EHBP1: variants seen among roughly 807,000 people sequenced by gnomAD.
EHBP1 encodes the protein EH domain-binding protein 1.
EHBP1 carries 55 observed loss-of-function variants against 144.0 expected under a neutral mutation model. The ratio of observed to expected loss-of-function variants is 0.38; its 90% CI spans 0.31 to 0.48. EHBP1 has a LOEUF of 0.48. Among genes scored for constraint, EHBP1 ranks in the 20% least tolerant of loss-of-function variants. The pLI, the probability that EHBP1 is intolerant of heterozygous loss-of-function variation, is 0.98. For missense variants in EHBP1, 1,200 were observed against 1,364.2 expected, an observed-to-expected ratio of 0.88 and a Z score of 1.90; for synonymous variants, 469 against 472.7, an observed-to-expected ratio of 0.99 and a Z score of 0.10.
intron 5 of EHBP1, among the ~76,000 whole-genome samples, chr2:62,794,938 T>TA (rs2043434414): frequency 6.6e-6 from 1 of 152,006 alleles, no homozygotes; most frequent in East Asian, 1.9e-4. Context: ...CTTCTCCATA[T>TA]AAAGTGAAAT....
At chr2:62,951,576 G>C (rs1243967093) in intron 13 of EHBP1, among the ~76,000 whole-genome samples, 1 of 142,378 alleles carries the variant, frequency 7.0e-6, no homozygotes, top group South Asian at 2.3e-4. Flanking sequence ...CCAGGCTAGA[G>C]TGCAGTGGCG....
chr2:63,033,581 T>C (rs944537981), intron 19 of EHBP1, among the ~76,000 whole-genome samples: 4 of 152,208 alleles, frequency 2.6e-5, no homozygotes, highest in African/African-American at 9.6e-5. Flanking sequence ...TATAGATAGA[T>C]AATTTTATGG....
chr2:62,960,483 T>C (rs1427129037), intron 14 of EHBP1, among the ~76,000 whole-genome samples: 1 of 152,220 alleles, frequency 6.6e-6, no homozygotes, highest in Non-Finnish European at 1.5e-5. Flanking sequence ...CTTTTGCTGT[T>C]ATTCTCTACC....
intron 1 of EHBP1, among the ~76,000 whole-genome samples, chr2:62,700,117 C>A (rs1558515831): frequency 6.6e-6 from 1 of 151,954 alleles, no homozygotes; most frequent in Non-Finnish European, 1.5e-5. Flanking sequence ...TCTAATGCAG[C>A]TTTTCTAAGC....
intron 14 of EHBP1, among the ~76,000 whole-genome samples, chr2:62,975,887 TACACACACACACACACACACACACACAC>T (rs57375651): frequency 1.6e-5 from 2 of 123,670 alleles, no homozygotes; most frequent in African/African-American, 6.2e-5. Flanking sequence ...TTACTGTATG[TACACACACACACACACACACACACACAC>T]ACACACACAC....
At chr2:62,955,421 CTA>C in intron 13 of EHBP1, 94 bp from the exon 14 acceptor site, 1 of 1,171,046 alleles carries the variant, frequency 8.5e-7, no homozygotes, top group East Asian at 2.5e-5. Context: ...TTCATAATCT[CTA>C]TTATTTCAGC....
chr2:62,709,553 A>G (rs2034932565), intron 2 of EHBP1, among the ~76,000 whole-genome samples: 1 of 152,186 alleles, frequency 6.6e-6, no homozygotes, highest in African/African-American at 2.4e-5. Flanking sequence ...TAATTTTTAA[A>G]TAACAATTTA....
intron 10 of EHBP1, among the ~76,000 whole-genome samples, chr2:62,889,347 T>G (rs2052238395): frequency 6.6e-6 from 1 of 152,000 alleles, no homozygotes; most frequent in African/African-American, 2.4e-5. Flanking sequence ...ATTCTGTAAG[T>G]TGTCTGTTTA....
chr2:62,712,869 G>A (rs2035288189), intron 2 of EHBP1, among the ~76,000 whole-genome samples: 1 of 152,200 alleles, frequency 6.6e-6, no homozygotes, highest in East Asian at 1.9e-4. Context: ...GATCACATGT[G>A]CATATCTGTT....
chr2:62,694,662 C>T (rs924137537), intron 1 of EHBP1, among the ~76,000 whole-genome samples: 1 of 152,094 alleles, frequency 6.6e-6, no homozygotes, highest in Non-Finnish European at 1.5e-5. Flanking sequence ...GTCTTAAGAG[C>T]TTATTTCTTC....
chr2:62,732,345 T>G (rs886946313), intron 2 of EHBP1, among the ~76,000 whole-genome samples: 2 of 152,200 alleles, frequency 1.3e-5, no homozygotes, highest in Non-Finnish European at 2.9e-5. Context: ...CTCTTTTTCT[T>G]TTTCTTTTGG....
intron 7 of EHBP1, among the ~76,000 whole-genome samples, chr2:62,844,448 T>C (rs1462042060): frequency 6.6e-6 from 1 of 152,154 alleles, no homozygotes; most frequent in Non-Finnish European, 1.5e-5. Context: ...CACTGAAATG[T>C]AGCAGGAGTG....
Position 62,742,871 on chromosome 2 carries a change from G to T in EHBP1, c.105-4524G>T, listed in dbSNP as rs1231315012. Among the ~76,000 whole-genome samples, 5 of 152,086 alleles carry T rather than the reference G, an allele frequency of 3.3e-5. No homozygotes were observed. In the East Asian group the frequency reaches 9.7e-4, roughly 29 times the overall value. ...TTCATAATTAATTCCAAACTTAAAA[G>T]TGCTGATTTGTATGTATTTATTTAT... On this transcript the variant is annotated intron_variant, in intron 2 of 22. Transcript: ENST00000431489.
At chr2:62,861,191 A>G (rs1399789858) in intron 8 of EHBP1, among the ~76,000 whole-genome samples, 1 of 135,906 alleles carries the variant, frequency 7.4e-6, no homozygotes, top group Admixed American at 8.3e-5. Flanking sequence ...GTGCAGTGGC[A>G]CATTCTCGGC....
intron 14 of EHBP1, among the ~76,000 whole-genome samples, chr2:62,959,631 A>G (rs2057898304): frequency 6.6e-6 from 1 of 152,182 alleles, no homozygotes; most frequent in Admixed American, 6.5e-5. Context: ...GACTAGTGAC[A>G]TTGAACATCT....
At chr2:62,951,544 G>A (rs1011190360) in intron 13 of EHBP1, among the ~76,000 whole-genome samples, 8 of 140,676 alleles carry the variant, frequency 5.7e-5, no homozygotes, top group Non-Finnish European at 7.8e-5. Context: ...TGGGGGGGGG[G>A]GGTGGAGTCT....
intron 9 of EHBP1, among the ~76,000 whole-genome samples, chr2:62,867,151 T>A (rs1351565657): frequency 6.6e-6 from 1 of 152,146 alleles, no homozygotes; most frequent in Non-Finnish European, 1.5e-5. Context: ...AAAATCTCTC[T>A]GGTAGATAAT....
chr2:62,741,359 A>G (rs1341885907), intron 2 of EHBP1, among the ~76,000 whole-genome samples: 6 of 152,102 alleles, frequency 3.9e-5, no homozygotes, highest in Non-Finnish European at 8.8e-5. Context: ...CATAAATCTG[A>G]TAGTCAGTTT....
intron 5 of EHBP1, among the ~76,000 whole-genome samples, chr2:62,810,694 G>A (rs1573475066): frequency 6.6e-6 from 1 of 152,214 alleles, no homozygotes; most frequent in Non-Finnish European, 1.5e-5. Flanking sequence ...AGTCCAGGCC[G>A]TGGAAGATGT....
Sources: allele counts gnomAD v4.1 joint callset (sites outside exome capture counted in the v4.1 genomes callset), GRCh38; gene constraint gnomAD v4.1.1; transcripts MANE v1.5; gene names NCBI Gene and HGNC (gene_info 2026-07-23, HGNC 2026-07-21).